Variants in ANP32A observed in about 807,000 individuals in gnomAD.
ANP32A encodes the protein acidic nuclear phosphoprotein 32 family member A.
A neutral mutation model predicts 33.9 loss-of-function variants in ANP32A; 1 was observed. The ratio of observed to expected loss-of-function variants is 0.03; its 90% CI spans 0.01 to 0.14. The LOEUF is 0.14. ANP32A is among the 10% of genes least tolerant of loss of function. The pLI is 1.00. For synonymous variants in ANP32A, 115 were observed against 120.5 expected, an observed-to-expected ratio of 0.95 and a Z score of 0.30; for missense variants, 155 against 306.0, an observed-to-expected ratio of 0.51 and a Z score of 3.68.
intron 3 of ANP32A, among the ~76,000 whole-genome samples, chr15:68,785,465 T>G (rs1893920055): frequency 6.6e-6 from 1 of 152,050 alleles, no homozygotes; most frequent in Non-Finnish European, 1.5e-5. Context: ...GAGTCCCCAT[T>G]CCAAAGGTGG....
intron 1 of ANP32A, among the ~76,000 whole-genome samples, chr15:68,815,719 C>T (rs1457184978): frequency 2.0e-5 from 3 of 152,174 alleles, no homozygotes; most frequent in Admixed American, 6.5e-5. Flanking sequence ...CTCTGTCCAC[C>T]AAAGGGGCCT....
At chr15:68,818,996 TA>T (rs751738730) in intron 1 of ANP32A, among the ~76,000 whole-genome samples, 2 of 152,100 alleles carry the variant, frequency 1.3e-5, no homozygotes, top group African/African-American at 2.4e-5. Context: ...CTGCGCGCCA[TA>T]AGGCACTCGC....
intron 1 of ANP32A, among the ~76,000 whole-genome samples, chr15:68,809,490 G>A (rs528374541): frequency 3.5e-4 from 53 of 152,202 alleles, no homozygotes; most frequent in African/African-American, 1.3e-3. Context: ...TTATATTTTT[G>A]GCGTTACATT....
At chr15:68,798,633 G>A (rs1432671019) in intron 1 of ANP32A, among the ~76,000 whole-genome samples, 1 of 152,108 alleles carries the variant, frequency 6.6e-6, no homozygotes, top group Admixed American at 6.5e-5. Flanking sequence ...CAAAGTCACA[G>A]GACTCTCCAT....
chr15:68,781,270 G>GA (rs1893863316), intron 5 of ANP32A: 1 of 150,600 alleles, frequency 6.6e-6, no homozygotes. Context: ...TAAGGTTCTG[G>GA]TTTTTTTTTG....
chr15:68,808,747 A>C (rs1894272543), intron 1 of ANP32A, among the ~76,000 whole-genome samples: 1 of 152,118 alleles, frequency 6.6e-6, no homozygotes, highest in African/African-American at 2.4e-5. Flanking sequence ...CCTTGCCTCC[A>C]CCCTATCACC....
chr15:68,800,924 T>C (rs940041376), intron 1 of ANP32A, among the ~76,000 whole-genome samples: 4 of 151,784 alleles, frequency 2.6e-5, no homozygotes, highest in Non-Finnish European at 5.9e-5. Context: ...GCAAAGATCC[T>C]GAGTGGGTGG....
chr15:68,794,762 G>A (rs1385068561), intron 1 of ANP32A, among the ~76,000 whole-genome samples: 2 of 144,622 alleles, frequency 1.4e-5, no homozygotes, highest in African/African-American at 4.9e-5. Flanking sequence ...TTGGGGAAAA[G>A]TGAAAGCTCT....
rs79647792 is a variant in ANP32A, at chr15:68,783,212, G to T, written c.527-159C>A. Among the ~76,000 whole-genome samples, 1,014 of 152,172 alleles carry T rather than the reference G, an allele frequency of 6.7e-3. 7 individuals carry two copies. Among genetic ancestry groups the T allele is most frequent in the Non-Finnish European group, 0.011 (744 of 68,000 alleles). ...GAACACACTAACTCTCATGAAAACA[G>T]TGCTGACATAATTAAACACATCCTG... On this transcript the variant is annotated intron_variant, in intron 4 of 6. Coordinates refer to ENST00000465139, the MANE Select transcript of ANP32A (RefSeq NM_006305.4).
chr15:68,784,616 C>T (rs774457569), intron 3 of ANP32A, 21 bp from the exon 4 acceptor site: 7 of 1,613,432 alleles, frequency 4.3e-6, no homozygotes, highest in Non-Finnish European at 5.9e-6. Context: ...AAAAATGAAG[C>T]CAACAGTAAG....
chr15:68,780,628 C>CTTAA lies in ANP32A; in HGVS notation c.625-159_625-156dup. 1 of 1,307,938 alleles carries CTTAA rather than the reference C, an allele frequency of 7.6e-7. No individual in the cohort carries two copies. Among genetic ancestry groups the CTTAA allele is most frequent in the Non-Finnish European group, 1.0e-6 (1 of 987,176 alleles). 81.0% of individuals were successfully genotyped at this position (1,307,938 alleles called of 1,614,324 possible). A position where few individuals can be genotyped will look rare whatever the true frequency, so the allele number is the denominator to read the frequency against. Reference sequence around the variant, plus strand: ...TCGGGAGGAATGTAAAGCAGAGGTTCTTAATTTATTTCAGATCAAGGACTC... The same window carrying CTTAA: ...TCGGGAGGAATGTAAAGCAGAGGTTCTTAATTAATTTATTTCAGATCAAGGACTC... On this transcript the variant is annotated intron_variant, in intron 5 of 6. Coordinates refer to ENST00000465139, the MANE Select transcript of ANP32A (RefSeq NM_006305.4). This position sits in a 1 kb window ranked among gnomAD's most constrained non-coding sequence, Gnocchi z 4.3.
rs375122016 is a variant in ANP32A at position 68,816,702 on chromosome 15, G to C, written c.54+3996C>G. On this transcript the variant is annotated intron_variant, in intron 1 of 6. Coordinates refer to ENST00000465139, the MANE Select transcript of ANP32A (RefSeq NM_006305.4). ...GAAGAAACAAAGCTTCAAAAAGGTA[G>C]GTTAAGCTCACCAGCCCAAGGTCAC... is the stretch of plus-strand genomic sequence containing the variant. Among the ~76,000 whole-genome samples the C allele has an allele frequency of 2.2e-4, 34 of 152,242 alleles. No homozygotes were observed. The East Asian group carries it at 6.6e-3, about 29-fold the overall frequency.
At chr15:68,817,044 C>T (rs1030965314) in intron 1 of ANP32A, among the ~76,000 whole-genome samples, 1 of 152,214 alleles carries the variant, frequency 6.6e-6, no homozygotes, top group South Asian at 2.1e-4. Flanking sequence ...CTGCTGGACA[C>T]TGCCATGAAA....
In ANP32A at chr15:68,780,280, C is replaced by T. The variant is rs754005247; in HGVS notation, c.688+130G>A. ...AAACCGAGGCAAGACATCTGCACAG[C>T]TGGAAGGGGAATCTGAGGCCTCTGA... On this transcript the variant is annotated intron_variant, in intron 6 of 6. Transcript: ENST00000465139. The surrounding 1 kb of genome is among the most constrained non-coding windows in gnomAD (Gnocchi z 4.3). 22 of 1,565,534 alleles carry T rather than the reference C, an allele frequency of 1.4e-5. No homozygotes were observed. The highest frequency in any genetic ancestry group is 1.9e-5 in the Admixed American group (1 of 51,854).
chr15:68,792,698 C>G (rs1894013088), intron 1 of ANP32A, among the ~76,000 whole-genome samples: 1 of 152,120 alleles, frequency 6.6e-6, no homozygotes, highest in Non-Finnish European at 1.5e-5. Flanking sequence ...GCCTCCACAC[C>G]AGGTCTCTAT....
At chr15:68,819,124 G>A (rs1247125122) in intron 1 of ANP32A, among the ~76,000 whole-genome samples, 1 of 152,202 alleles carries the variant, frequency 6.6e-6, no homozygotes, top group Admixed American at 6.5e-5. Context: ...AGCGAGGCCT[G>A]CCTTCGCCGG....
intron 1 of ANP32A, among the ~76,000 whole-genome samples, chr15:68,793,000 C>T (rs536348777): frequency 6.6e-6 from 1 of 152,270 alleles, no homozygotes; most frequent in South Asian, 2.1e-4. Context: ...TCAGCACCCC[C>T]AATCTCTCAC....
At chr15:68,809,000 A>G (rs144807228) in intron 1 of ANP32A, among the ~76,000 whole-genome samples, 138 of 152,318 alleles carry the variant, frequency 9.1e-4, no homozygotes, top group Non-Finnish European at 1.2e-3. Context: ...AACTAGGAGA[A>G]AGCCACCTTC....
At chr15:68,796,749 G>A (rs1337989958) in intron 1 of ANP32A, among the ~76,000 whole-genome samples, 1 of 152,296 alleles carries the variant, frequency 6.6e-6, no homozygotes, top group Non-Finnish European at 1.5e-5. Flanking sequence ...CCGCCTTGCC[G>A]CTAACTTGCT....
Sources: gnomAD v4.1 joint callset for allele counts (sites outside exome capture counted in the v4.1 genomes callset) on GRCh38, gnomAD v4.1.1 for gene constraint, Gnocchi (gnomAD v3.1) non-coding constraint, MANE v1.5 for transcripts, NCBI Gene and HGNC (gene_info 2026-07-23, HGNC 2026-07-21) for gene names.